Variants in ZNF609 observed in about 807,000 individuals in gnomAD.
The protein encoded by ZNF609 is zinc finger protein 609.
A neutral mutation model predicts 109.5 loss-of-function variants in ZNF609; 11 were observed. The observed-to-expected ratio is 0.10, with a 90% CI of 0.06 to 0.17. The LOEUF (loss-of-function observed/expected upper bound fraction) is 0.17. Ranked by LOEUF, ZNF609 falls within the 10% of genes least tolerant of loss-of-function variation. The pLI, the probability that ZNF609 is intolerant of heterozygous loss-of-function variation, is 1.00. For missense variants in ZNF609, 1,559 were observed against 1,772.4 expected, an observed-to-expected ratio of 0.88 and a Z score of 2.16; for synonymous variants, 646 against 662.0, an observed-to-expected ratio of 0.98 and a Z score of 0.37.
chr15:64,495,403 GAATT>G (rs1465232383), intron 1 of ZNF609, among the ~76,000 whole-genome samples: 2 of 152,034 alleles, frequency 1.3e-5, no homozygotes, highest in African/African-American at 4.8e-5. Flanking sequence ...TTTGCTGGTT[GAATT>G]TTTTCAGATG....
Position 64,557,412 on chromosome 15 carries a change from A to T in ZNF609, c.747+57246A>T, listed in dbSNP as rs75388626. Among the ~76,000 whole-genome samples the T allele has an allele frequency of 7.9e-3, 1,196 of 152,250 alleles. 21 individuals are homozygous for T. The highest frequency in any genetic ancestry group is 0.028 in the African/African-American group (1,150 of 41,556). On this transcript the variant is annotated intron_variant, in intron 2 of 9. Coordinates refer to ENST00000326648, the MANE Select transcript of ZNF609 (RefSeq NM_015042.2). ...CAGATGTAATAAATATATTGTGTGT[A>T]GGCTGAAGTATGATACAGAGTGTGA...
At chr15:64,619,755 TTAG>T (rs1895850984) in intron 2 of ZNF609, among the ~76,000 whole-genome samples, 1 of 152,238 alleles carries the variant, frequency 6.6e-6, no homozygotes, top group Non-Finnish European at 1.5e-5. Context: ...TCTGTTATTC[TTAG>T]TGATCAGTTC....
chr15:64,575,470 T>C (rs372792414), intron 2 of ZNF609, among the ~76,000 whole-genome samples: 1 of 151,786 alleles, frequency 6.6e-6, no homozygotes, highest in East Asian at 1.9e-4. Flanking sequence ...CTATAATCAG[T>C]AGGATTTTTT....
intron 2 of ZNF609, among the ~76,000 whole-genome samples, chr15:64,571,177 G>T (rs1894854783): frequency 1.3e-5 from 2 of 152,148 alleles, no homozygotes; most frequent in African/African-American, 4.8e-5. Context: ...TATCCAAGAG[G>T]GGAAAATAGG....
chr15:64,466,478 A>G (rs1296473702), intron 1 of ZNF609, among the ~76,000 whole-genome samples: 1 of 152,182 alleles, frequency 6.6e-6, no homozygotes, highest in East Asian at 1.9e-4. Flanking sequence ...GAACTGTTTT[A>G]AAGTTCAGAA....
At chr15:64,465,260 G>A (rs1472885777) in intron 1 of ZNF609, among the ~76,000 whole-genome samples, 1 of 152,188 alleles carries the variant, frequency 6.6e-6, no homozygotes, top group Non-Finnish European at 1.5e-5. Context: ...ACTTTTTGTG[G>A]AAGTCTACCT....
At chr15:64,645,109 T>TCCCTCCCTCCCTC (rs1896316925) in intron 3 of ZNF609, among the ~76,000 whole-genome samples, 1 of 92,210 alleles carries the variant, frequency 1.1e-5, no homozygotes, top group African/African-American at 5.3e-5. Context: ...CTCCCTCCCT[T>TCCCTCCCTCCCTC]CCTTCCTTCC....
intron 2 of ZNF609, among the ~76,000 whole-genome samples, chr15:64,588,333 C>T (rs1428353307): frequency 6.9e-6 from 1 of 144,878 alleles, no homozygotes; most frequent in Admixed American, 7.1e-5. Flanking sequence ...GAGGCTGAGG[C>T]AGGAGAATGG....
At chr15:64,485,688 C>G (rs946717303) in intron 1 of ZNF609, among the ~76,000 whole-genome samples, 1 of 151,952 alleles carries the variant, frequency 6.6e-6, no homozygotes, top group Non-Finnish European at 1.5e-5. Context: ...CTCTGTAGTC[C>G]CAGCTATTCT....
intron 3 of ZNF609, among the ~76,000 whole-genome samples, chr15:64,655,635 T>C (rs932478567): frequency 6.6e-6 from 1 of 151,664 alleles, no homozygotes; most frequent in Non-Finnish European, 1.5e-5. Context: ...GAGACCAGCC[T>C]GGCCAACATG....
intron 3 of ZNF609, among the ~76,000 whole-genome samples, chr15:64,653,157 A>G (rs1277330244): frequency 6.6e-6 from 1 of 152,224 alleles, no homozygotes; most frequent in East Asian, 1.9e-4. Flanking sequence ...TATGTTCAAC[A>G]GTAATTTTAT....
At chr15:64,472,999 A>G (rs1893111866) in intron 1 of ZNF609, among the ~76,000 whole-genome samples, 1 of 152,090 alleles carries the variant, frequency 6.6e-6, no homozygotes, top group Admixed American at 6.6e-5. Flanking sequence ...AACTATAAGA[A>G]AAGACATGGA....
intron 1 of ZNF609, among the ~76,000 whole-genome samples, chr15:64,492,723 T>C (rs1893431321): frequency 6.6e-6 from 1 of 152,160 alleles, no homozygotes; most frequent in Admixed American, 6.5e-5. Context: ...CCTCATGATA[T>C]GCTTAGAATG....
chr15:64,601,348 G>T (rs909094265), intron 2 of ZNF609, among the ~76,000 whole-genome samples: 1 of 152,128 alleles, frequency 6.6e-6, no homozygotes, highest in African/African-American at 2.4e-5. Flanking sequence ...AGCCAGGTAA[G>T]ATAGTTAAAT....
chr15:64,612,783 G>C (rs1029558302), intron 2 of ZNF609, among the ~76,000 whole-genome samples: 1 of 152,094 alleles, frequency 6.6e-6, no homozygotes, highest in Non-Finnish European at 1.5e-5. Context: ...GGGAGGCCAA[G>C]GCCAGCGGTT....
chr15:64,677,576 A>C (rs972387034), intron 5 of ZNF609, among the ~76,000 whole-genome samples: 1 of 152,196 alleles, frequency 6.6e-6, no homozygotes, highest in Non-Finnish European at 1.5e-5. Flanking sequence ...AAGTATACTC[A>C]GTTACTGAGT....
chr15:64,657,942 C>T (rs1365395305), intron 3 of ZNF609, among the ~76,000 whole-genome samples: 1 of 152,068 alleles, frequency 6.6e-6, no homozygotes, highest in Non-Finnish European at 1.5e-5. Context: ...TCATCAGTTG[C>T]CTCTCCTCAG....
At chr15:64,586,190 G>T (rs1595728753) in intron 2 of ZNF609, among the ~76,000 whole-genome samples, 1 of 152,160 alleles carries the variant, frequency 6.6e-6, no homozygotes, top group East Asian at 1.9e-4. Flanking sequence ...GCCGGGCGTG[G>T]TGGCACGCAC....
rs531315041 is a variant in ZNF609 at position 64,680,654 on chromosome 15, T to C, written c.3954T>C (p.Asp1318=). 1 of 1,591,176 alleles carries C rather than the reference T, an allele frequency of 6.3e-7. No individual in the cohort carries two copies. Reference sequence around the variant, plus strand: ...TCTGGTTTCCTTTCCAGATAAGTGATAAAACTTCTCAGGAGAGAGATCGAG... The same window carrying C: ...TCTGGTTTCCTTTCCAGATAAGTGACAAAACTTCTCAGGAGAGAGATCGAG... ...HYKSKSPTIS[D]KTSQERDRGG... Residue 1318 remains aspartate, a synonymous_variant, in exon 8 of 10, where the codon GAT becomes GAC. Transcript: ENST00000326648.
Sources: gnomAD v4.1 joint callset for allele counts (sites outside exome capture counted in the v4.1 genomes callset) on GRCh38, gnomAD v4.1.1 for gene constraint, MANE v1.5 for transcripts, NCBI Gene and HGNC (gene_info 2026-07-23, HGNC 2026-07-21) for gene names.